Variants in DUSP13A observed in about 807,000 individuals in gnomAD.
The protein encoded by DUSP13A is dual specificity protein phosphatase 13A.
At chr10:75,108,652 C>T in the DUSP13A span, among the ~76,000 whole-genome samples, 2 of 152,072 alleles carry the variant, frequency 1.3e-5, no homozygotes, top group African/African-American at 2.4e-5. Flanking sequence ...CCGTCTGTAT[C>T]CAGAGGAGGG....
chr10:75,107,860 A>C, the DUSP13A span: 1 of 1,127,212 alleles, frequency 8.9e-7, no homozygotes, highest in South Asian at 1.6e-5. Flanking sequence ...TACAAGCATG[A>C]GCCACCACAC....
the DUSP13A span, among the ~76,000 whole-genome samples, chr10:75,108,471 A>G: frequency 3.9e-5 from 6 of 152,218 alleles, no homozygotes; most frequent in East Asian, 1.2e-3. Context: ...CTTGGCCAGG[A>G]CAGGAAGGAA....
chr10:75,105,746 A>G, the DUSP13A span: 1 of 1,554,362 alleles, frequency 6.4e-7, no homozygotes, highest in Non-Finnish European at 8.7e-7. Context: ...GGGAAGACCC[A>G]TCGGTGCTGC....
At chr10:75,106,248 C>T in the DUSP13A span, among the ~76,000 whole-genome samples, 8 of 151,910 alleles carry the variant, frequency 5.3e-5, no homozygotes, top group Non-Finnish European at 8.8e-5. Flanking sequence ...GGCCTCCAAA[C>T]CTTTTTAACA....
the DUSP13A span, among the ~76,000 whole-genome samples, chr10:75,106,031 G>C: frequency 6.6e-6 from 1 of 152,054 alleles, no homozygotes; most frequent in East Asian, 1.9e-4. Context: ...TCGGTAAAAT[G>C]GGTAGATCAA....
chr10:75,105,759 C>A, the DUSP13A span: 1 of 1,552,882 alleles, frequency 6.4e-7, no homozygotes. Flanking sequence ...GGTGCTGCCT[C>A]ACGGTGATCA....
At chr10:75,107,064 G>A in the DUSP13A span, among the ~76,000 whole-genome samples, 2 of 152,136 alleles carry the variant, frequency 1.3e-5, no homozygotes, top group East Asian at 1.9e-4. Flanking sequence ...GGCCGGGTGC[G>A]GTGGCTCATG....
At chr10:75,108,670 G>C in the DUSP13A span, among the ~76,000 whole-genome samples, 1 of 152,196 alleles carries the variant, frequency 6.6e-6, no homozygotes, top group African/African-American at 2.4e-5. Context: ...GGGAGGCTGG[G>C]CCCAGAAACA....
chr10:75,108,367 C>T, the DUSP13A span: 2 of 1,350,518 alleles, frequency 1.5e-6, no homozygotes. Flanking sequence ...CAGCCCTATA[C>T]CCAGAGCCCC....
chr10:75,108,259 G>A, the DUSP13A span: 2 of 1,542,434 alleles, frequency 1.3e-6, no homozygotes, highest in Admixed American at 3.8e-5. Context: ...ATGGGACCAG[G>A]AGGGAGGCTG....
the DUSP13A span, among the ~76,000 whole-genome samples, chr10:75,106,994 C>T: frequency 6.6e-6 from 1 of 152,196 alleles, no homozygotes; most frequent in African/African-American, 2.4e-5. Context: ...TCCCTGGGCT[C>T]CTATGCTGTA....
the DUSP13A span, chr10:75,105,833 G>A: frequency 8.9e-5 from 138 of 1,550,686 alleles, 1 homozygote; most frequent in East Asian, 3.2e-3. Context: ...GTGGCAGAGC[G>A]GCTCACGCCC....
chr10:75,106,101 C>CTTTTTTTTTTTTTT, the DUSP13A span, among the ~76,000 whole-genome samples: 7 of 123,008 alleles, frequency 5.7e-5, no homozygotes, highest in Non-Finnish European at 6.9e-5. Flanking sequence ...TCTTTCTTTT[C>CTTTTTTTTTTTTTT]TTTTTTTTTT....
chr10:75,108,215 G>T, the DUSP13A span: 2 of 1,593,384 alleles, frequency 1.3e-6, no homozygotes, highest in Non-Finnish European at 1.7e-6. Flanking sequence ...TGGCCCTGGG[G>T]AGGGCAGGAA....
the DUSP13A span, chr10:75,107,975 T>G: frequency 6.2e-7 from 1 of 1,602,654 alleles, no homozygotes; most frequent in East Asian, 2.3e-5. Flanking sequence ...GATATGGGCT[T>G]GGACCCCAAG....
chr10:75,108,826 G>A, the DUSP13A span, among the ~76,000 whole-genome samples: 1 of 152,178 alleles, frequency 6.6e-6, no homozygotes, highest in Non-Finnish European at 1.5e-5. Context: ...GCTCTCCCTG[G>A]TGGCCATACC....
At chr10:75,106,411 C>G in the DUSP13A span, among the ~76,000 whole-genome samples, 2 of 152,136 alleles carry the variant, frequency 1.3e-5, no homozygotes, top group African/African-American at 4.8e-5. Flanking sequence ...CAAATTGTTT[C>G]CCCTGGTCTC....
the DUSP13A span, among the ~76,000 whole-genome samples, chr10:75,107,121 A>G: frequency 1.3e-5 from 2 of 152,286 alleles, no homozygotes; most frequent in Admixed American, 6.5e-5. Context: ...AGATCACTTG[A>G]GGTTAGGAGT....
chr10:75,108,942 G>C, the DUSP13A span: 1 of 1,534,044 alleles, frequency 6.5e-7, no homozygotes, highest in Admixed American at 1.9e-5. Context: ...TCCTGTGTCT[G>C]GTAAAGCGAC....
Sources: allele counts gnomAD v4.1 joint callset (sites outside exome capture counted in the v4.1 genomes callset), GRCh38; gene constraint gnomAD v4.1.1; transcripts MANE v1.5; gene names NCBI Gene and HGNC (gene_info 2026-07-23, HGNC 2026-07-21).